Variants in PKIB observed in about 807,000 individuals in gnomAD.
PKIB encodes the protein cAMP-dependent protein kinase inhibitor beta, also known as PKI-beta.
Under a neutral mutation model 4.5 loss-of-function variants are expected in PKIB, and 2 were observed. The observed-to-expected ratio is 0.44, with a 90% CI of 0.18 to 1.39. The LOEUF (loss-of-function observed/expected upper bound fraction) is 1.39. Among genes scored for constraint, PKIB ranks in the 40% most tolerant of loss-of-function variants. PKIB has a pLI of 0.27. For synonymous variants in PKIB, 38 were observed against 36.0 expected (o/e 1.06, Z -0.20); for missense variants, 94 against 92.6 (o/e 1.02, Z -0.06).
chr6:122,709,164 T>C (rs1779177776), intron 3 of PKIB, among the ~76,000 whole-genome samples: 2 of 152,172 alleles, frequency 1.3e-5, no homozygotes, highest in Admixed American at 1.3e-4. Context: ...TAAATCCTAC[T>C]TTTTAAAAAT....
In PKIB at chr6:122,678,836, A is replaced by G. The variant is rs142910170; in HGVS notation, c.-9+3692A>G. 1.2e-3 allele frequency among the ~76,000 whole-genome samples: 185 copies of G among 152,328 alleles called. 3 individuals carry two copies. In the East Asian group the frequency reaches 0.02, roughly 17 times the overall value. On this transcript the variant is annotated intron_variant, in intron 3 of 4. Transcript: ENST00000368452. ...GGTCTGTTTTAGGTGCAAAACCATA[A>G]CCCACAATATAAATGTACAACATTT...
chr6:122,520,663 C>CCT (rs1776909288), intron 2 of PKIB, among the ~76,000 whole-genome samples: 2 of 41,298 alleles, frequency 4.8e-5, no homozygotes, highest in African/African-American at 1.9e-4. Flanking sequence ...GTTTATGTTC[C>CCT]CACCCCCCCC....
intron 2 of PKIB, among the ~76,000 whole-genome samples, chr6:122,509,556 G>A (rs62424310): frequency 0.09 from 13,719 of 151,688 alleles, 810 homozygotes; most frequent in South Asian, 0.14. Flanking sequence ...TTAGCCTCCC[G>A]AGTAGCTGGG....
chr6:122,559,557 G>T (rs201488085), intron 2 of PKIB, among the ~76,000 whole-genome samples: 2 of 119,596 alleles, frequency 1.7e-5, no homozygotes, highest in South Asian at 2.5e-4. Flanking sequence ...TTTTAGAATT[G>T]TTTTTTTTCT....
At chr6:122,703,356 G>T (rs1778912274) in intron 3 of PKIB, among the ~76,000 whole-genome samples, 1 of 152,020 alleles carries the variant, frequency 6.6e-6, no homozygotes, top group Non-Finnish European at 1.5e-5. Context: ...AACACAGCAG[G>T]AAACAGTACA....
chr6:122,685,246 T>A (rs1778051144), intron 3 of PKIB, among the ~76,000 whole-genome samples: 1 of 152,152 alleles, frequency 6.6e-6, no homozygotes, highest in African/African-American at 2.4e-5. Flanking sequence ...TCTATTGGCA[T>A]TTATAATTAC....
chr6:122,691,310 A>G (rs779380398), intron 3 of PKIB, among the ~76,000 whole-genome samples: 13 of 152,132 alleles, frequency 8.5e-5, no homozygotes, highest in Non-Finnish European at 1.8e-4. Context: ...TTTAAGGCCA[A>G]TAACTCTTAG....
intron 3 of PKIB, among the ~76,000 whole-genome samples, chr6:122,697,035 A>G (rs1376278682): frequency 1.3e-5 from 2 of 152,292 alleles, no homozygotes; most frequent in East Asian, 3.9e-4. Context: ...GGGGAGGAGG[A>G]CATGGCACAC....
chr6:122,658,505 TA>T (rs1349229492), intron 2 of PKIB, among the ~76,000 whole-genome samples: 1 of 152,196 alleles, frequency 6.6e-6, no homozygotes, highest in Non-Finnish European at 1.5e-5. Flanking sequence ...TCACTTTCAC[TA>T]ATTGCCTTCA....
At position 122,661,351 on chromosome 6, in the gene PKIB, T is replaced by C. The variant is rs375190159; in HGVS notation, c.-75-13727T>C. On this transcript the variant is annotated intron_variant, in intron 2 of 4. Transcript: ENST00000368452. ...TATAAACATTAGTTGTGACTCCCTA[T>C]TTCCCCCAAAGCCTAGGGACTCCCT... 5.3e-5 allele frequency among the ~76,000 whole-genome samples: 8 copies of C among 152,258 alleles called. No homozygotes were observed. The South Asian group carries it at 1.0e-3, about 20-fold the overall frequency.
chr6:122,652,697 A>G (rs1306158179), intron 2 of PKIB: 1 of 152,208 alleles, frequency 6.6e-6, no homozygotes, highest in African/African-American at 2.4e-5. Context: ...ATGTAGGCAG[A>G]TGTAGGTGCT....
At chr6:122,511,201 G>C (rs1043471615) in intron 2 of PKIB, among the ~76,000 whole-genome samples, 1 of 152,038 alleles carries the variant, frequency 6.6e-6, no homozygotes, top group Admixed American at 6.6e-5. Flanking sequence ...TTTTCTATTT[G>C]TTTTTTAAGG....
chr6:122,576,446 A>C (rs940035259), intron 2 of PKIB, among the ~76,000 whole-genome samples: 41 of 151,946 alleles, frequency 2.7e-4, no homozygotes, highest in Non-Finnish European at 8.8e-5. Context: ...AGGCAGGCGG[A>C]TCACGAGGTC....
At chr6:122,540,101 A>G (rs920650679) in intron 2 of PKIB, among the ~76,000 whole-genome samples, 2 of 151,812 alleles carry the variant, frequency 1.3e-5, no homozygotes, top group East Asian at 3.9e-4. Context: ...CTAGCGATCT[A>G]TTGATTTTGT....
At chr6:122,523,084 C>A (rs1776992148) in intron 2 of PKIB, among the ~76,000 whole-genome samples, 1 of 152,156 alleles carries the variant, frequency 6.6e-6, no homozygotes, top group Admixed American at 6.5e-5. Flanking sequence ...TGAAAAACTT[C>A]AGTTTTCACT....
At chr6:122,644,911 G>T (rs954146440) in intron 2 of PKIB, 1 of 152,190 alleles carries the variant, frequency 6.6e-6, no homozygotes, top group African/African-American at 2.4e-5. Flanking sequence ...ATATCTTAGA[G>T]TTGTATGGAC....
At chr6:122,542,587 C>G (rs1318907513) in intron 2 of PKIB, among the ~76,000 whole-genome samples, 2 of 152,014 alleles carry the variant, frequency 1.3e-5, no homozygotes, top group South Asian at 4.1e-4. Flanking sequence ...AGTTTTGTCT[C>G]AGAGGAGTAC....
chr6:122,617,529 T>TGGA (rs1775045163), intron 1 of PKIB, among the ~76,000 whole-genome samples: 1 of 152,198 alleles, frequency 6.6e-6, no homozygotes, highest in Non-Finnish European at 1.5e-5. Context: ...AGTGAAACAC[T>TGGA]GGAGGAAACA....
intron 2 of PKIB, among the ~76,000 whole-genome samples, chr6:122,553,494 T>TTTTTTTTTTTTC (rs1772749409): frequency 7.1e-6 from 1 of 140,172 alleles, no homozygotes; most frequent in Non-Finnish European, 1.5e-5. Context: ...TTTTTTTTTT[T>TTTTTTTTTTTTC]TTTTTTTTTC....
Sources: gnomAD v4.1 joint callset for allele counts (sites outside exome capture counted in the v4.1 genomes callset) on GRCh38, gnomAD v4.1.1 for gene constraint, MANE v1.5 for transcripts, NCBI Gene and HGNC (gene_info 2026-07-23, HGNC 2026-07-21) for gene names.